The following POT1 variants were observed in gnomAD, a reference collection of about 807,000 sequenced individuals.
POT1 encodes protection of telomeres 1.
Under a neutral mutation model 78.5 loss-of-function variants are expected in POT1, and 47 were observed. That is an observed-to-expected ratio of 0.60 (90% confidence interval 0.47 to 0.76). POT1 has a LOEUF of 0.76. Ranked by LOEUF, POT1 falls within the 30% of genes least tolerant of loss-of-function variation. The pLI is 0.00. For missense variants in POT1, 646 were observed against 749.9 expected, an observed-to-expected ratio of 0.86 and a Z score of 1.62; for synonymous variants, 259 against 260.7, an observed-to-expected ratio of 0.99 and a Z score of 0.06.
At chr7:124,826,654 T>C (rs1276935886) in intron 17 of POT1, among the ~76,000 whole-genome samples, 1 of 152,122 alleles carries the variant, frequency 6.6e-6, no homozygotes, top group Non-Finnish European at 1.5e-5. Context: ...GGGTGGATCA[T>C]GAGGTCAGGA....
At chr7:124,850,629 G>A (rs1018119137) in intron 11 of POT1, among the ~76,000 whole-genome samples, 2 of 152,058 alleles carry the variant, frequency 1.3e-5, no homozygotes, top group African/African-American at 2.4e-5. Flanking sequence ...CTATTGGGAG[G>A]CTGAGGCAGG....
chr7:124,867,590 A>C (rs1390894194), intron 7 of POT1, among the ~76,000 whole-genome samples: 1 of 151,876 alleles, frequency 6.6e-6, no homozygotes, highest in Non-Finnish European at 1.5e-5. Flanking sequence ...CTCAATTCTT[A>C]TGTCTCCTCA....
chr7:124,913,136 A>C (rs190554165), intron 3 of POT1, among the ~76,000 whole-genome samples: 1 of 152,084 alleles, frequency 6.6e-6, no homozygotes. Flanking sequence ...CAGCCAAGGA[A>C]AGACCCGCCT....
intron 12 of POT1, among the ~76,000 whole-genome samples, chr7:124,844,713 C>T (rs557886081): frequency 1.8e-5 from 2 of 111,920 alleles, no homozygotes; most frequent in African/African-American, 3.5e-5. Flanking sequence ...CCAGCCTGGG[C>T]GACAGCGAGA....
At chr7:124,893,274 T>C (rs1796416086) in intron 5 of POT1, among the ~76,000 whole-genome samples, 1 of 151,382 alleles carries the variant, frequency 6.6e-6, no homozygotes, top group Admixed American at 6.6e-5. Flanking sequence ...CTTACCCCCA[T>C]GCTATTATAG....
chr7:124,838,858 G>A (rs927681531), intron 14 of POT1, among the ~76,000 whole-genome samples: 3 of 152,116 alleles, frequency 2.0e-5, no homozygotes, highest in African/African-American at 7.2e-5. Flanking sequence ...GCCTGCCTCG[G>A]CCTCCCAAAG....
At chr7:124,854,820 T>C (rs943503117) in intron 9 of POT1, among the ~76,000 whole-genome samples, 4 of 151,910 alleles carry the variant, frequency 2.6e-5, no homozygotes, top group Non-Finnish European at 5.9e-5. Flanking sequence ...TTTATCTCAT[T>C]CTTTTTGACT....
intron 15 of POT1, among the ~76,000 whole-genome samples, chr7:124,829,699 G>T (rs1794714625): frequency 6.7e-6 from 1 of 148,440 alleles, no homozygotes; most frequent in Non-Finnish European, 1.5e-5. Flanking sequence ...CTGATTCTAT[G>T]ATCTATATCT....
chr7:124,880,530 T>C (rs1338299104), intron 6 of POT1, among the ~76,000 whole-genome samples: 3 of 152,072 alleles, frequency 2.0e-5, no homozygotes, highest in Non-Finnish European at 2.9e-5. Flanking sequence ...TTGAAGAATG[T>C]AATGACTACA....
chr7:124,844,137 T>C (rs1584759299), intron 12 of POT1, among the ~76,000 whole-genome samples: 1 of 150,476 alleles, frequency 6.6e-6, no homozygotes, highest in Non-Finnish European at 1.5e-5. Context: ...TTTTTTTTTT[T>C]TTTTTTCGGA....
At chr7:124,923,889 TCAAACAAA>T (rs142399246) in intron 2 of POT1, among the ~76,000 whole-genome samples, 6,695 of 151,088 alleles carry the variant, frequency 0.044, 334 homozygotes, top group African/African-American at 0.12. Context: ...TTCCAAGTGC[TCAAACAAA>T]CAAACAAACA....
Position 124,897,214 on chromosome 7 carries a change from T to A in POT1, c.-39-2A>T. The A allele has an allele frequency of 7.3e-7, 1 of 1,376,758 alleles. No individual in the cohort carries two copies. Among genetic ancestry groups the A allele is most frequent in the Non-Finnish European group, 1.0e-6 (1 of 993,850 alleles). 85.3% of individuals were successfully genotyped at this position (1,376,758 alleles called of 1,614,324 possible). ...ATCTCTTAAAGATTTGACATAAACC[T>A]GAAGGAAAAAAAGAAAGAACTTATT... is the stretch of plus-strand genomic sequence containing the variant. On this transcript the variant is annotated splice_acceptor_variant, in intron 4 of 18. Transcript: ENST00000357628. LOFTEE classifies it low-confidence loss of function (5UTR_SPLICE).
chr7:124,928,460 A>T (rs1010157363), intron 2 of POT1, among the ~76,000 whole-genome samples: 2 of 152,206 alleles, frequency 1.3e-5, no homozygotes, highest in Admixed American at 6.5e-5. Context: ...GATCTGTCAG[A>T]ACCAAAAGCT....
intron 18 of POT1, 76 bp from the exon 19 acceptor site, chr7:124,824,150 T>G: frequency 1.3e-6 from 1 of 791,702 alleles, no homozygotes; most frequent in Non-Finnish European, 2.0e-6. Flanking sequence ...TACCTAAGCT[T>G]ACCACTGAGC....
At chr7:124,924,758 T>C (rs1237813938) in intron 2 of POT1, among the ~76,000 whole-genome samples, 1 of 152,128 alleles carries the variant, frequency 6.6e-6, no homozygotes, top group Non-Finnish European at 1.5e-5. Flanking sequence ...AAAAAGATCA[T>C]ACACCATGAT....
intron 13 of POT1, among the ~76,000 whole-genome samples, chr7:124,841,853 G>A (rs900026019): frequency 2.0e-5 from 3 of 151,820 alleles, no homozygotes; most frequent in African/African-American, 7.2e-5. Flanking sequence ...ATAAACCAAA[G>A]TTTGATAATA....
At chr7:124,852,263 T>C (rs188411200) in intron 10 of POT1, among the ~76,000 whole-genome samples, 156 of 152,248 alleles carry the variant, frequency 1.0e-3, no homozygotes, top group Admixed American at 2.2e-3. Context: ...AATATGATAT[T>C]AAAAATCAGT....
chr7:124,918,347 G>C (rs1367201273), intron 2 of POT1, among the ~76,000 whole-genome samples: 1 of 152,236 alleles, frequency 6.6e-6, no homozygotes, highest in East Asian at 1.9e-4. Context: ...CTTCCTAGAG[G>C]GGGGACCAAC....
At chr7:124,833,004 C>A (rs1261220627) in intron 15 of POT1, among the ~76,000 whole-genome samples, 2 of 151,580 alleles carry the variant, frequency 1.3e-5, no homozygotes, top group Non-Finnish European at 2.9e-5. Context: ...AGCAAGTGAG[C>A]GAGGATGAGC....
Sources: allele counts gnomAD v4.1 joint callset (sites outside exome capture counted in the v4.1 genomes callset), GRCh38; gene constraint gnomAD v4.1.1; transcripts MANE v1.5; gene names NCBI Gene and HGNC (gene_info 2026-07-23, HGNC 2026-07-21).